The following ARL8B variants were observed in gnomAD, a reference collection of about 807,000 sequenced individuals.
ARL8B encodes the protein ADP-ribosylation factor-like protein 8B.
ARL8B carries 9 observed loss-of-function variants against 30.6 expected under a neutral mutation model. The observed-to-expected ratio is 0.29, with a 90% CI of 0.18 to 0.51. ARL8B has a LOEUF of 0.51. Among genes scored for constraint, ARL8B ranks in the 20% least tolerant of loss-of-function variants. The probability of loss-of-function intolerance (pLI) is 0.97; values close to 1 mark genes in which losing one functional copy is unlikely to be tolerated. For missense variants in ARL8B, 130 were observed against 227.2 expected, an observed-to-expected ratio of 0.57 and a Z score of 2.75; for synonymous variants, 74 against 76.0, an observed-to-expected ratio of 0.97 and a Z score of 0.14.
rs71053495 is a variant in ARL8B at position 5,159,602 on chromosome 3, CAAAAAAAAAAAAA to C, written c.124-10890_124-10878del. On this transcript the variant is annotated intron_variant, in intron 1 of 6. Coordinates refer to ENST00000256496, the MANE Select transcript of ARL8B (RefSeq NM_018184.3). ...GGGCAACAAGAATGAAACTCCGTCTCAAAAAAAAAAAAAAAAAAAAAAAGAGAAAAAGAAAAAA... is the reference window on the plus strand; with the variant it reads ...GGGCAACAAGAATGAAACTCCGTCTCAAAAAAAAAAGAGAAAAAGAAAAAA... Among the ~76,000 whole-genome samples the C allele has an allele frequency of 9.1e-5, 7 of 77,070 alleles. No homozygotes were observed. The South Asian group carries it at 1.5e-3, about 16-fold the overall frequency. The allele number at this position is 77,070 out of a possible 152,430, so 50.6% of individuals were successfully genotyped here.
At chr3:5,134,495 T>C (rs193255755) in intron 1 of ARL8B, among the ~76,000 whole-genome samples, 37 of 152,336 alleles carry the variant, frequency 2.4e-4, no homozygotes, top group Admixed American at 9.8e-4. Flanking sequence ...ATAGTGACTT[T>C]CTACTGAAGA....
chr3:5,144,516 A>G (rs2054402294), intron 1 of ARL8B, among the ~76,000 whole-genome samples: 1 of 152,206 alleles, frequency 6.6e-6, no homozygotes, highest in African/African-American at 2.4e-5. Context: ...TTTGTGTAAT[A>G]CAGACGTTAG....
chr3:5,158,207 A>C (rs746697244), intron 1 of ARL8B, among the ~76,000 whole-genome samples: 13 of 152,122 alleles, frequency 8.5e-5, no homozygotes, highest in Non-Finnish European at 1.9e-4. Flanking sequence ...TGGTCTTGAA[A>C]TTATGACCTC....
At chr3:5,126,356 G>A (rs768508493) in intron 1 of ARL8B, among the ~76,000 whole-genome samples, 18 of 152,150 alleles carry the variant, frequency 1.2e-4, no homozygotes, top group Non-Finnish European at 2.4e-4. Context: ...AGTACTATGT[G>A]TCACTCTAGA....
At chr3:5,151,121 G>A (rs986195901) in intron 1 of ARL8B, among the ~76,000 whole-genome samples, 2 of 151,776 alleles carry the variant, frequency 1.3e-5, no homozygotes, top group African/African-American at 4.8e-5. Context: ...AGAGAATCAG[G>A]ATCTTTTGGT....
chr3:5,138,731 C>T (rs1219489237), intron 1 of ARL8B, among the ~76,000 whole-genome samples: 4 of 152,150 alleles, frequency 2.6e-5, no homozygotes, highest in Non-Finnish European at 5.9e-5. Flanking sequence ...AATGATTTTA[C>T]TATCTAGAAG....
At chr3:5,171,301 A>G (rs1158444313) in intron 2 of ARL8B, among the ~76,000 whole-genome samples, 2 of 152,202 alleles carry the variant, frequency 1.3e-5, no homozygotes, top group African/African-American at 4.8e-5. Flanking sequence ...GAGTAGACAC[A>G]ATAATAAAAT....
intron 1 of ARL8B, among the ~76,000 whole-genome samples, chr3:5,146,629 C>G (rs1241967155): frequency 1.3e-5 from 2 of 152,106 alleles, no homozygotes; most frequent in Non-Finnish European, 2.9e-5. Flanking sequence ...TTAGGAGGCC[C>G]ATTATGACTT....
chr3:5,140,975 T>C (rs1421605408), intron 1 of ARL8B, among the ~76,000 whole-genome samples: 1 of 152,212 alleles, frequency 6.6e-6, no homozygotes, highest in African/African-American at 2.4e-5. Flanking sequence ...ATTTATCTCC[T>C]AGCACGCAAG....
At chr3:5,169,072 G>GT (rs1462487660) in intron 1 of ARL8B, among the ~76,000 whole-genome samples, 1 of 152,092 alleles carries the variant, frequency 6.6e-6, no homozygotes, top group East Asian at 1.9e-4. Flanking sequence ...ATGATGACTA[G>GT]TTTTTTAAAA....
rs941144753 is a variant in ARL8B at position 5,173,387 on chromosome 3, C to T, written c.373-630C>T. 4.6e-5 allele frequency among the ~76,000 whole-genome samples: 7 copies of T among 152,162 alleles called. No homozygotes were observed. In the East Asian group the frequency reaches 1.2e-3, roughly 25 times the overall value. On this transcript the variant is annotated intron_variant, in intron 4 of 6. Coordinates refer to ENST00000256496, the MANE Select transcript of ARL8B (RefSeq NM_018184.3). ...GCAAATCCAAAAAATTTCCAAAATT[C>T]GAAACACTTCTGGTCCCAGGTATTT...
chr3:5,151,036 T>C (rs1575566651), intron 1 of ARL8B, among the ~76,000 whole-genome samples: 1 of 152,176 alleles, frequency 6.6e-6, no homozygotes, highest in East Asian at 1.9e-4. Flanking sequence ...GTCGGTGGAG[T>C]CTGTAGTGAT....
intron 1 of ARL8B, among the ~76,000 whole-genome samples, chr3:5,136,147 C>T (rs948927887): frequency 3.2e-5 from 2 of 62,534 alleles, no homozygotes; most frequent in African/African-American, 2.4e-4. Flanking sequence ...TGTTCTGTTG[C>T]AGGCTGGAGT....
At chr3:5,126,771 G>A (rs1405515148) in intron 1 of ARL8B, among the ~76,000 whole-genome samples, 3 of 152,158 alleles carry the variant, frequency 2.0e-5, no homozygotes, top group Non-Finnish European at 2.9e-5. Context: ...TCTGATTAGT[G>A]TCAAGGAATG....
chr3:5,153,979 A>T (rs573849817), intron 1 of ARL8B, among the ~76,000 whole-genome samples: 29 of 151,028 alleles, frequency 1.9e-4, no homozygotes, highest in Admixed American at 5.9e-4. Context: ...ATTGTTTCTG[A>T]TGGGAAATTT....
chr3:5,152,621 G>A (rs780088084), intron 1 of ARL8B, among the ~76,000 whole-genome samples: 18 of 152,206 alleles, frequency 1.2e-4, no homozygotes, highest in Non-Finnish European at 2.5e-4. Context: ...AGTAGCTTGG[G>A]ACTAAGGGCG....
chr3:5,176,835 A>G (rs779552455), intron 6 of ARL8B, among the ~76,000 whole-genome samples: 4 of 152,210 alleles, frequency 2.6e-5, no homozygotes, highest in Non-Finnish European at 5.9e-5. Flanking sequence ...GTGGTTCTCA[A>G]TGGGGAGCTT....
intron 1 of ARL8B, among the ~76,000 whole-genome samples, chr3:5,155,044 A>G (rs919612540): frequency 2.6e-5 from 4 of 152,160 alleles, no homozygotes; most frequent in African/African-American, 9.7e-5. Context: ...CCAAGTTACT[A>G]TCCTTTCATT....
chr3:5,169,802 T>C (rs2054655425), intron 1 of ARL8B, among the ~76,000 whole-genome samples: 1 of 152,132 alleles, frequency 6.6e-6, no homozygotes, highest in Non-Finnish European at 1.5e-5. Flanking sequence ...TAAGTGAAAG[T>C]AGTGACTATG....
Sources: gnomAD v4.1 joint callset for allele counts (sites outside exome capture counted in the v4.1 genomes callset) on GRCh38, gnomAD v4.1.1 for gene constraint, MANE v1.5 for transcripts, NCBI Gene and HGNC (gene_info 2026-07-23, HGNC 2026-07-21) for gene names.